Variants in TMEM255A observed in about 807,000 individuals in gnomAD.
The protein encoded by TMEM255A is transmembrane protein 255A, also known as family with sequence similarity 70, member A.
A neutral mutation model predicts 23.5 loss-of-function variants in TMEM255A; 14 were observed. That is an observed-to-expected ratio of 0.60 (90% CI 0.39 to 0.93). The LOEUF (loss-of-function observed/expected upper bound fraction) is 0.93, where lower values mean the gene tolerates loss of function less well. TMEM255A is among the 40% of genes least tolerant of loss of function. The pLI, the probability that TMEM255A is intolerant of heterozygous loss-of-function variation, is 0.00. For synonymous variants in TMEM255A, 104 were observed against 100.3 expected (o/e 1.04, Z -0.22); for missense variants, 233 against 261.7 (o/e 0.89, Z 0.76).
At chrX:120,273,138 GC>G (rs1187891890) in intron 7 of TMEM255A, 2 of 180,702 alleles carry the variant, frequency 1.1e-5, no homozygotes, top group African/African-American at 6.2e-5. Context: ...TGCTACTAGT[GC>G]TGTTGTTTAC....
rs1442762867 is a variant in TMEM255A, at chrX:120,261,137, G to T, written c.820-109C>A. 7 of 993,763 alleles carry T rather than the reference G, an allele frequency of 7.0e-6. No individual in the cohort carries two copies. In the East Asian group the frequency reaches 2.6e-4, roughly 37 times the overall value. The allele number at this position is 993,763 out of a possible 1,213,427, so 81.9% of individuals were successfully genotyped here. A position where few individuals can be genotyped will look rare whatever the true frequency, so the allele number is the denominator to read the frequency against. ...GCCAAAGCTTTTTTTCTATTTGGAA[G>T]AACAGAGAGCTCCCAAACCTCACAG... On this transcript the variant is annotated intron_variant, in intron 8 of 8. Transcript: ENST00000371369.
chrX:120,300,514 C>T (rs1450736335), intron 2 of TMEM255A, among the ~76,000 whole-genome samples: 6 of 106,564 alleles, frequency 5.6e-5, no homozygotes, highest in Admixed American at 3.0e-4. Context: ...TAGCCTCCCA[C>T]GTAACTGGGA....
chrX:120,261,651 G>A (rs782477123), intron 8 of TMEM255A, among the ~76,000 whole-genome samples: 1 of 112,278 alleles, frequency 8.9e-6, no homozygotes, highest in Non-Finnish European at 1.9e-5. Context: ...GGAGAGCAAA[G>A]AGTAACAAAG....
At chrX:120,298,316 G>A (rs781855284) in intron 2 of TMEM255A, among the ~76,000 whole-genome samples, 463 of 111,512 alleles carry the variant, frequency 4.2e-3, no homozygotes, top group Non-Finnish European at 6.5e-3. Flanking sequence ...GTGGGATGGG[G>A]TATGATCAAG....
downstream of TMEM255A, chrX:120,254,898 A>G: frequency 8.3e-7 from 1 of 1,211,976 alleles, no homozygotes; most frequent in Non-Finnish European, 1.1e-6. Flanking sequence ...GGTCTATTAT[A>G]TCTGTATTGT....
Position 120,260,442 on chromosome X carries a change from A to C in TMEM255A, c.*428T>G, listed in dbSNP as rs1403680565. On this transcript the variant is annotated 3_prime_UTR_variant, in exon 9 of 9. Transcript: ENST00000371369. Reference sequence around the variant, plus strand: ...ATCAGCTGGGAAATTGTCCTTAGGGACTGACTTTAGGGGTAGGGAAAGATA... The same window carrying C: ...ATCAGCTGGGAAATTGTCCTTAGGGCCTGACTTTAGGGGTAGGGAAAGATA... 1 of 121,190 alleles carries C rather than the reference A, an allele frequency of 8.3e-6. No homozygotes were observed. The highest frequency in any genetic ancestry group is 1.7e-5 in the Non-Finnish European group (1 of 59,944). The allele number at this position is 121,190 out of a possible 1,213,427, so 10.0% of individuals were successfully genotyped here. A position where few individuals can be genotyped will look rare whatever the true frequency, so the allele number is the denominator to read the frequency against.
chrX:120,297,437 G>A (rs2058004242), intron 2 of TMEM255A, among the ~76,000 whole-genome samples: 1 of 107,512 alleles, frequency 9.3e-6, no homozygotes, highest in South Asian at 4.0e-4. Flanking sequence ...GAGCTCAGCA[G>A]GCAGGGAACT....
At chrX:120,266,047 G>A (rs782731590) in intron 8 of TMEM255A, among the ~76,000 whole-genome samples, 129 of 106,675 alleles carry the variant, frequency 1.2e-3, no homozygotes, top group African/African-American at 4.1e-3. Context: ...CCAGCTACTC[G>A]GGAGGCTGAG....
Position 120,260,673 on chromosome X carries a change from C to G in TMEM255A, c.*197G>C. 1 of 466,768 alleles carries G rather than the reference C, an allele frequency of 2.1e-6. No individual in the cohort carries two copies. The highest frequency in any genetic ancestry group is 3.3e-6 in the Non-Finnish European group (1 of 300,933). 38.5% of individuals were successfully genotyped at this position (466,768 alleles called of 1,213,427 possible). On this transcript the variant is annotated 3_prime_UTR_variant, in exon 9 of 9. Coordinates refer to ENST00000371369, the MANE Select transcript of TMEM255A (RefSeq NM_001104544.3). ...TGCTTAGAGAATGTGAGCTGCCCTT[C>G]TGTGCTGCGTTCAGCCTGACCACCC...
At chrX:120,255,570 T>C, downstream of TMEM255A, 2 of 592,816 alleles carry the variant, frequency 3.4e-6, no homozygotes, top group East Asian at 3.6e-5. Context: ...GGGATTTTTG[T>C]TGATAATTTT....
At chrX:120,253,977 T>C (rs782014280), downstream of TMEM255A, 2 of 1,045,074 alleles carry the variant, frequency 1.9e-6, no homozygotes, top group Non-Finnish European at 1.3e-6. Context: ...TGTTACCGAT[T>C]CTGATGATGA....
At chrX:120,287,308 TACACACACACAC>T in intron 4 of TMEM255A, 86 bp from the exon 5 acceptor site, 1 of 470,500 alleles carries the variant, frequency 2.1e-6, no homozygotes, top group Non-Finnish European at 3.6e-6. Flanking sequence ...AAGGTTTGAA[TACACACACACAC>T]ACACACACAC....
chrX:120,260,834 G>T lies in TMEM255A; in HGVS notation c.*36C>A, dbSNP rs782690601. 58 of 1,195,746 alleles carry T rather than the reference G, an allele frequency of 4.9e-5. No individual in the cohort carries two copies. In the South Asian group the frequency reaches 9.8e-4, roughly 20 times the overall value. ...CTTCCACTGAAGCAGAAATACAAAA[G>T]CCACAATAATCTCAATAGCCAGCAG... On this transcript the variant is annotated 3_prime_UTR_variant, in exon 9 of 9. Coordinates refer to ENST00000371369, the MANE Select transcript of TMEM255A (RefSeq NM_001104544.3).
At chrX:120,275,647 G>C (rs1388743485) in intron 7 of TMEM255A, among the ~76,000 whole-genome samples, 1 of 106,309 alleles carries the variant, frequency 9.4e-6, no homozygotes, top group Non-Finnish European at 1.9e-5. Flanking sequence ...TTAAAGCAGT[G>C]GTATTCAATC....
At chrX:120,258,422 A>ATT (rs2057652199), downstream of TMEM255A, 1 of 122,922 alleles carries the variant, frequency 8.1e-6, no homozygotes, top group Admixed American at 9.4e-5. Context: ...GTTTTACAAG[A>ATT]TTGTCTTTCA....
At chrX:120,282,528 C>A (rs549329863) in intron 6 of TMEM255A, among the ~76,000 whole-genome samples, 2 of 111,796 alleles carry the variant, frequency 1.8e-5, no homozygotes, top group African/African-American at 3.3e-5. Context: ...TCCTTTTCAA[C>A]AAATATCACT....
intron 1 of TMEM255A, chrX:120,310,005 G>C (rs1556027921): frequency 9.0e-6 from 1 of 111,377 alleles, no homozygotes; most frequent in Non-Finnish European, 1.9e-5. Flanking sequence ...GAGTTTTGTT[G>C]ACACTGAGTC....
rs1556022008 is a variant in TMEM255A at position 120,287,207 on chromosome X, A to G, written c.370T>C (p.Tyr124His). Reference sequence around the variant, plus strand: ...GGAACATAATGGCACCGGTTAGCGTAGAGTGGTTTCAGATCCTGAAAAGGG... The same window carrying G: ...GGAACATAATGGCACCGGTTAGCGTGGAGTGGTTTCAGATCCTGAAAAGGG... Reference protein sequence around the residue: ...AARHIDLKPLYANRCHYVPKT... With the variant: ...AARHIDLKPLHANRCHYVPKT... The change falls in exon 5 of 9, where the codon TAC becomes CAC. Residue 124 changes from tyrosine (Y) to histidine (H), a missense_variant. By Grantham distance (83) the Tyr-to-His change is moderately conservative. Coordinates refer to ENST00000371369, the MANE Select transcript of TMEM255A (RefSeq NM_001104544.3). 1.7e-6 allele frequency: 2 copies of G among 1,210,310 alleles called. No individual in the cohort carries two copies. Among genetic ancestry groups the G allele is most frequent in the South Asian group, 1.8e-5 (1 of 56,907 alleles).
intron 8 of TMEM255A, among the ~76,000 whole-genome samples, chrX:120,262,693 C>T (rs1461666089): frequency 8.9e-6 from 1 of 112,027 alleles, no homozygotes; most frequent in Non-Finnish European, 1.9e-5. Context: ...GAACTCTCTC[C>T]TCTTAACCAG....
Sources: gnomAD v4.1 joint callset for allele counts (sites outside exome capture counted in the v4.1 genomes callset) on GRCh38, gnomAD v4.1.1 for gene constraint, MANE v1.5 for transcripts, NCBI Gene and HGNC (gene_info 2026-07-23, HGNC 2026-07-21) for gene names.